MAD1L1: variants seen among roughly 807,000 people sequenced by gnomAD.
The protein encoded by MAD1L1 is mitotic arrest deficient 1 like 1.
In MAD1L1, 95 loss-of-function variants were observed where a neutral mutation model predicts 96.9. The observed-to-expected ratio is 0.98, with a 90% CI of 0.83 to 1.16. MAD1L1 has a LOEUF of 1.16. MAD1L1 is among the 50% of genes most tolerant of loss of function. The probability of loss-of-function intolerance (pLI) is 0.00; values close to 1 mark genes in which losing one functional copy is unlikely to be tolerated. For missense variants in MAD1L1, 1,007 were observed against 954.4 expected (o/e 1.06, Z -0.73); for synonymous variants, 473 against 396.6 (o/e 1.19, Z -2.29).
chr7:1,925,968 G>A (rs1789063958), intron 17 of MAD1L1, among the ~76,000 whole-genome samples: 1 of 151,676 alleles, frequency 6.6e-6, no homozygotes. Context: ...CAAAAACTAG[G>A]TCTCTAAGGA....
chr7:2,050,268 C>G (rs1294270351), intron 12 of MAD1L1, among the ~76,000 whole-genome samples: 1 of 152,206 alleles, frequency 6.6e-6, no homozygotes, highest in African/African-American at 2.4e-5. Flanking sequence ...TGTTGCACTC[C>G]TACGAGAGCT....
At chr7:1,994,624 G>A (rs533486727) in intron 14 of MAD1L1, among the ~76,000 whole-genome samples, 4 of 152,240 alleles carry the variant, frequency 2.6e-5, no homozygotes, top group Admixed American at 1.3e-4. Flanking sequence ...GAGGGAGCCC[G>A]GGGAGGTGAG....
intron 10 of MAD1L1, among the ~76,000 whole-genome samples, chr7:2,165,109 C>T (rs1171826007): frequency 1.3e-5 from 2 of 151,688 alleles, no homozygotes; most frequent in Non-Finnish European, 2.9e-5. Flanking sequence ...GAGGTTGAGG[C>T]AGGAGAATCG....
intron 11 of MAD1L1, among the ~76,000 whole-genome samples, chr7:2,101,985 G>A (rs966741250): frequency 3.3e-5 from 5 of 152,082 alleles, no homozygotes; most frequent in African/African-American, 1.2e-4. Context: ...GGGTGGGAGT[G>A]GGCAGATCAC....
At chr7:1,932,602 G>A (rs1789545621) in intron 17 of MAD1L1, among the ~76,000 whole-genome samples, 1 of 152,216 alleles carries the variant, frequency 6.6e-6, no homozygotes, top group Non-Finnish European at 1.5e-5. Context: ...TTTGACAAGT[G>A]ACCTCTGTGT....
intron 11 of MAD1L1, among the ~76,000 whole-genome samples, chr7:2,070,412 C>A (rs977253475): frequency 4.6e-5 from 7 of 152,094 alleles, no homozygotes; most frequent in Non-Finnish European, 8.8e-5. Flanking sequence ...ACAGGTGCTC[C>A]CAGGAAGGGA....
intron 7 of MAD1L1, among the ~76,000 whole-genome samples, chr7:2,217,566 T>A (rs1321932768): frequency 6.6e-6 from 1 of 152,104 alleles, no homozygotes; most frequent in Non-Finnish European, 1.5e-5. Context: ...CCCTGGCACG[T>A]CCTCCGCAGG....
chr7:2,129,587 G>C (rs549697854), intron 11 of MAD1L1, among the ~76,000 whole-genome samples: 3 of 152,334 alleles, frequency 2.0e-5, no homozygotes, highest in Admixed American at 2.0e-4. Context: ...CATGAGGAGA[G>C]AGCACACACA....
intron 11 of MAD1L1, among the ~76,000 whole-genome samples, chr7:2,089,539 A>T (rs1786099613): frequency 6.6e-6 from 1 of 152,218 alleles, no homozygotes; most frequent in African/African-American, 2.4e-5. Flanking sequence ...TATCAGCAGC[A>T]TGAAAACAGA....
chr7:1,863,354 A>C (rs953844028), intron 18 of MAD1L1, among the ~76,000 whole-genome samples: 1 of 152,248 alleles, frequency 6.6e-6, no homozygotes, highest in Non-Finnish European at 1.5e-5. Flanking sequence ...CTGGCTGCAG[A>C]AAGGCAGCTA....
intron 11 of MAD1L1, among the ~76,000 whole-genome samples, chr7:2,108,776 C>T (rs950703456): frequency 1.3e-5 from 2 of 152,188 alleles, no homozygotes; most frequent in African/African-American, 4.8e-5. Context: ...CCTGGGGAAA[C>T]GGCTCAGCCT....
At chr7:2,077,799 A>G (rs1288423410) in intron 11 of MAD1L1, among the ~76,000 whole-genome samples, 1 of 152,230 alleles carries the variant, frequency 6.6e-6, no homozygotes, top group East Asian at 1.9e-4. Context: ...AGGTTCTGAA[A>G]GAGGATATCG....
intron 12 of MAD1L1, among the ~76,000 whole-genome samples, chr7:2,067,404 C>T (rs950646584): frequency 3.3e-5 from 5 of 152,162 alleles, no homozygotes; most frequent in Admixed American, 1.3e-4. Flanking sequence ...GCCCAGCCCT[C>T]CCACTCTTCC....
chr7:1,975,157 C>T (rs1425780417), intron 15 of MAD1L1, among the ~76,000 whole-genome samples: 3 of 152,208 alleles, frequency 2.0e-5, no homozygotes, highest in Admixed American at 6.5e-5. Context: ...GCTGCCTCAG[C>T]CTGCTCCTGA....
chr7:1,956,957 C>G (rs1398447526), intron 16 of MAD1L1, among the ~76,000 whole-genome samples: 12 of 152,238 alleles, frequency 7.9e-5, no homozygotes, highest in Non-Finnish European at 1.2e-4. Context: ...CACCAAGGAG[C>G]AGGGTTCAGG....
At chr7:1,937,282 G>A (rs767284823) in intron 16 of MAD1L1, among the ~76,000 whole-genome samples, 14 of 152,178 alleles carry the variant, frequency 9.2e-5, no homozygotes, top group Non-Finnish European at 1.3e-4. Flanking sequence ...CTGGGAGCCC[G>A]TGTGGCCATG....
intron 16 of MAD1L1, among the ~76,000 whole-genome samples, chr7:1,953,429 G>A (rs1779588494): frequency 6.6e-6 from 1 of 152,188 alleles, no homozygotes; most frequent in East Asian, 1.9e-4. Flanking sequence ...GGCGGGGAGG[G>A]AGCCGCACTG....
Position 2,092,245 on chromosome 7 carries a change from C to A in MAD1L1, c.1074-22907G>T, listed in dbSNP as rs181326238. ...TTGCAATCCCCCAAAGACAAATACT[C>A]CTGAGCATCCTCTTTTTATTTTTTA... On this transcript the variant is annotated intron_variant, in intron 11 of 18. Transcript: ENST00000265854. 3.1e-4 allele frequency among the ~76,000 whole-genome samples: 47 copies of A among 152,316 alleles called. No homozygotes were observed. The Middle Eastern group carries it at 0.017, about 55-fold the overall frequency.
At chr7:1,901,538 T>C (rs1050584019) in intron 17 of MAD1L1, among the ~76,000 whole-genome samples, 5 of 152,182 alleles carry the variant, frequency 3.3e-5, no homozygotes, top group African/African-American at 1.2e-4. Context: ...CAGCAGTGCA[T>C]GGGCTGAGGC....
Sources: gnomAD v4.1 joint callset for allele counts (sites outside exome capture counted in the v4.1 genomes callset) on GRCh38, gnomAD v4.1.1 for gene constraint, MANE v1.5 for transcripts, NCBI Gene and HGNC (gene_info 2026-07-23, HGNC 2026-07-21) for gene names.